VWCE: variants seen among roughly 807,000 people sequenced by gnomAD.
The protein encoded by VWCE is von Willebrand factor C and EGF domain-containing protein.
A neutral mutation model predicts 102.9 loss-of-function variants in VWCE; 68 were observed. The ratio of observed to expected loss-of-function variants is 0.66; its 90% CI spans 0.54 to 0.81. VWCE has a LOEUF of 0.81. Among genes scored for constraint, VWCE ranks in the 30% least tolerant of loss-of-function variants. The pLI is 0.00. For synonymous variants in VWCE, 497 were observed against 515.4 expected (o/e 0.96, Z 0.48); for missense variants, 1,137 against 1,263.6 (o/e 0.90, Z 1.52).
intron 5 of VWCE, 26 bp downstream of exon 5, chr11:61,286,288 G>T: frequency 6.3e-7 from 1 of 1,597,798 alleles, no homozygotes. Flanking sequence ...CCCTCCCAGA[G>T]CAGCCATTCC....
Position 61,273,275 on chromosome 11 carries a change from C to T in VWCE, c.1623G>A (p.Leu541=). Reference sequence around the variant, plus strand: ...GCCGCCACTCTTCTCGGGGGCAGGCCAGCTCAGGGCAGGGCATGAAGGAGC... The same window carrying T: ...GCCGCCACTCTTCTCGGGGGCAGGCTAGCTCAGGGCAGGGCATGAAGGAGC... The part of the protein sequence containing the change: ...VECSFMPCPE[L]ACPREEWRLG... Residue 541 remains leucine (L), a synonymous_variant, in exon 13 of 20, where the codon CTG becomes CTA. Transcript: ENST00000335613. 6.2e-7 allele frequency: 1 copy of T among 1,613,770 alleles called. No homozygotes were observed.
chr11:61,268,327 G>A (rs567297575), intron 15 of VWCE, among the ~76,000 whole-genome samples: 1 of 152,114 alleles, frequency 6.6e-6, no homozygotes. Flanking sequence ...GCCAAGGCAG[G>A]CAGATCACCT....
intron 4 of VWCE, among the ~76,000 whole-genome samples, chr11:61,290,445 G>A (rs1254766913): frequency 6.6e-6 from 1 of 151,242 alleles, no homozygotes; most frequent in Non-Finnish European, 1.5e-5. Context: ...CCAGGAGGTG[G>A]AGGCTGCAGT....
At chr11:61,271,331 G>C (rs1441364862) in intron 14 of VWCE, 1 of 234,984 alleles carries the variant, frequency 4.3e-6, no homozygotes, top group Non-Finnish European at 8.7e-6. Context: ...ATTTTTAGTA[G>C]AGACAGGGTT....
At position 61,281,798 on chromosome 11, in the gene VWCE, C is replaced by G. The variant is rs779785266; in HGVS notation, c.775G>C (p.Val259Leu). The change falls in exon 7 of 20, where the codon GTG (valine) becomes CTG (leucine). Residue 259 changes from valine to leucine, a missense_variant. Val to Leu is a conservative substitution (Grantham distance 32). Coordinates refer to ENST00000335613, the MANE Select transcript of VWCE (RefSeq NM_152718.2). ...RPGFRLRADR[V>L]SCEAFPKAVL... ...GCCTGGCGCTCACCTTCACAGGACA[C>G]GCGGTCAGCTCGGAGCCTGAAGCCA... is the stretch of plus-strand genomic sequence containing the variant. 5 of 1,612,700 alleles carry G rather than the reference C, an allele frequency of 3.1e-6. No individual in the cohort carries two copies. The South Asian group carries it at 4.4e-5, about 14-fold the overall frequency.
chr11:61,287,373 G>A (rs1855367355), intron 4 of VWCE, among the ~76,000 whole-genome samples: 1 of 152,210 alleles, frequency 6.6e-6, no homozygotes, highest in Non-Finnish European at 1.5e-5. Context: ...GAGACCAAAC[G>A]TTTCCAATGG....
At chr11:61,265,371 G>T (rs1023494043) in intron 16 of VWCE, among the ~76,000 whole-genome samples, 159 bp from the exon 17 acceptor site, 1 of 152,140 alleles carries the variant, frequency 6.6e-6, no homozygotes, top group Non-Finnish European at 1.5e-5. Context: ...CATTTTCTCT[G>T]TTGGGGTCCA....
At position 61,274,492 on chromosome 11, in the gene VWCE, A is replaced by T; in HGVS notation, c.1581+7T>A. 2 of 1,612,112 alleles carry T rather than the reference A, an allele frequency of 1.2e-6. No individual in the cohort carries two copies. Among genetic ancestry groups the T allele is most frequent in the Non-Finnish European group, 1.7e-6 (2 of 1,179,230 alleles). ...TCCACAGGCTTTGGGACGCTCAGCC[A>T]CCATACCTGGCAAACACAGGTGGTA... is the stretch of plus-strand genomic sequence containing the variant. On this transcript the variant is annotated splice_region_variant and intron_variant, in intron 12 of 19. Transcript: ENST00000335613.
At chr11:61,280,766 G>A in intron 8 of VWCE, 27 bp downstream of exon 8, 2 of 1,612,074 alleles carry the variant, frequency 1.2e-6, no homozygotes, top group Non-Finnish European at 1.7e-6. Context: ...CCAGACCAAG[G>A]AAGCTCCGGG....
At chr11:61,287,609 C>T (rs1318358995) in intron 4 of VWCE, among the ~76,000 whole-genome samples, 2 of 152,224 alleles carry the variant, frequency 1.3e-5, no homozygotes, top group African/African-American at 2.4e-5. Context: ...AAGACACACA[C>T]CCAGGGGAGA....
At chr11:61,262,116 G>A (rs1431062324) in intron 19 of VWCE, among the ~76,000 whole-genome samples, 1 of 152,108 alleles carries the variant, frequency 6.6e-6, no homozygotes, top group Non-Finnish European at 1.5e-5. Context: ...AACATGCCCG[G>A]CTAATTTTTC....
intron 16 of VWCE, among the ~76,000 whole-genome samples, chr11:61,266,557 A>C (rs897522374): frequency 2.0e-5 from 3 of 152,074 alleles, no homozygotes; most frequent in Non-Finnish European, 1.5e-5. Context: ...CAAAAAAAAA[A>C]CAATTTTTTT....
At position 61,291,534 on chromosome 11, in the gene VWCE, AC is replaced by A. The variant is rs1855502998; in HGVS notation, c.152del (p.Ser51MetfsTer81). The A allele has an allele frequency of 6.7e-7, 1 of 1,496,238 alleles. No homozygotes were observed. The highest frequency in any genetic ancestry group is 2.3e-5 in the Admixed American group (1 of 44,202). The allele number at this position is 1,496,238 out of a possible 1,614,324, so 92.7% of individuals were successfully genotyped here. ...AGGGCGCCCAGCCAGGGCAGCAGCC[AC>A]TCCCAAACCCAGAGAGGCAGACGTG... Reference protein sequence around the residue: ...GPHVCLSGFGSGCCPGWAPSM... With the variant: ...GPHVCLSGFGXGCCPGWAPSM... On this transcript the variant is annotated frameshift_variant, in exon 2 of 20. Transcript: ENST00000335613. LOFTEE classifies it high-confidence loss of function.
chr11:61,266,240 G>C (rs1189231644), intron 16 of VWCE, among the ~76,000 whole-genome samples: 1 of 152,022 alleles, frequency 6.6e-6, no homozygotes, highest in East Asian at 1.9e-4. Context: ...TTTTAAAAAA[G>C]CTAAAAACAA....
chr11:61,281,966 T>C, intron 6 of VWCE, 52 bp from the exon 7 acceptor site: 1 of 1,582,884 alleles, frequency 6.3e-7, no homozygotes, highest in Non-Finnish European at 8.6e-7. Context: ...TACGGAGCCC[T>C]TCTTCCGCCC....
chr11:61,268,451 G>C (rs1441770921), intron 15 of VWCE, among the ~76,000 whole-genome samples: 13 of 152,186 alleles, frequency 8.5e-5, no homozygotes, highest in Admixed American at 2.0e-4. Flanking sequence ...CTACTCAGAA[G>C]GCTGAGGCAG....
chr11:61,259,522 G>A (rs1239199437), intron 19 of VWCE, among the ~76,000 whole-genome samples: 7 of 152,164 alleles, frequency 4.6e-5, no homozygotes, highest in Admixed American at 4.6e-4. Context: ...GTGACCTCAC[G>A]CAAGGCATGC....
chr11:61,264,291 T>A (rs1245022368), intron 19 of VWCE, among the ~76,000 whole-genome samples, 196 bp downstream of exon 19: 2 of 129,628 alleles, frequency 1.5e-5, no homozygotes, highest in South Asian at 2.7e-4. Context: ...TAAACAGACA[T>A]CATGGTGTGT....
intron 19 of VWCE, among the ~76,000 whole-genome samples, 162 bp from the exon 20 acceptor site, chr11:61,259,474 A>G (rs1182746932): frequency 6.6e-6 from 1 of 152,186 alleles, no homozygotes. Flanking sequence ...GGGAAGACTG[A>G]AGGAGCCATG....
Sources: allele counts gnomAD v4.1 joint callset (sites outside exome capture counted in the v4.1 genomes callset), GRCh38; gene constraint gnomAD v4.1.1; transcripts MANE v1.5; gene names NCBI Gene and HGNC (gene_info 2026-07-23, HGNC 2026-07-21).